PBX1: variants seen among roughly 807,000 people sequenced by gnomAD.
The protein encoded by PBX1 is PBX homeobox 1.
In PBX1, 6 loss-of-function variants were observed where a neutral mutation model predicts 53.4. The observed-to-expected ratio is 0.11, with a 90% confidence interval of 0.06 to 0.22. The LOEUF is 0.22. PBX1 is among the 10% of genes least tolerant of loss of function. The pLI is 1.00. For missense variants in PBX1, 251 were observed against 551.4 expected, an observed-to-expected ratio of 0.46 and a Z score of 5.46; for synonymous variants, 204 against 212.3, an observed-to-expected ratio of 0.96 and a Z score of 0.34.
chr1:164,671,376 T>C (rs193035084), intron 2 of PBX1, among the ~76,000 whole-genome samples: 1 of 152,166 alleles, frequency 6.6e-6, no homozygotes, highest in Admixed American at 6.5e-5. Flanking sequence ...TGATTAGCCG[T>C]GTGAGGTGGA....
chr1:164,869,305 C>T (rs1280456362), intron 2 of PBX1, among the ~76,000 whole-genome samples: 1 of 152,162 alleles, frequency 6.6e-6, no homozygotes, highest in Non-Finnish European at 1.5e-5. Flanking sequence ...CCAGGAGATC[C>T]ATCTGCCTGT....
At chr1:164,622,820 A>ATTTTT (rs1657771094) in intron 2 of PBX1, among the ~76,000 whole-genome samples, 1 of 121,054 alleles carries the variant, frequency 8.3e-6, no homozygotes, top group African/African-American at 3.1e-5. Context: ...CACAGTTTCC[A>ATTTTT]TCTTTTTTTT....
chr1:164,692,372 T>C (rs2102026398), intron 2 of PBX1, among the ~76,000 whole-genome samples: 1 of 152,136 alleles, frequency 6.6e-6, no homozygotes, highest in East Asian at 1.9e-4. Context: ...ATAGCAGGCT[T>C]TTAACAAACA....
intron 2 of PBX1, chr1:164,787,527 C>T (rs1668264498): frequency 6.6e-6 from 1 of 152,230 alleles, no homozygotes; most frequent in African/African-American, 2.4e-5. Context: ...CTGCTCCGGA[C>T]CCACGTCACT....
Position 164,812,165 on chromosome 1 carries a change from G to C in PBX1, c.997+16G>C. 1 of 1,601,700 alleles carries C rather than the reference G, an allele frequency of 6.2e-7. No homozygotes were observed. The highest frequency in any genetic ancestry group is 8.5e-7 in the Non-Finnish European group (1 of 1,173,026). ...AACTCGGCTGGTTAGTTTTTTCTTT[G>C]ATTGGGGGTGGGGGAAGGAATTGTT... On this transcript the variant is annotated intron_variant, in intron 6 of 8. Coordinates refer to ENST00000420696, the MANE Select transcript of PBX1 (RefSeq NM_002585.4).
chr1:164,829,424 G>A (rs1001829531), intron 8 of PBX1: 15 of 152,210 alleles, frequency 9.9e-5, no homozygotes, highest in Non-Finnish European at 1.8e-4. Context: ...TGATGGAAAT[G>A]TTCTATTTTA....
intron 2 of PBX1, among the ~76,000 whole-genome samples, chr1:164,750,880 T>G (rs1393006347): frequency 6.6e-6 from 1 of 152,116 alleles, no homozygotes; most frequent in Non-Finnish European, 1.5e-5. Flanking sequence ...AAAAGAGAAA[T>G]TTAGCTACTT....
intron 5 of PBX1, among the ~76,000 whole-genome samples, chr1:164,811,243 G>A (rs1425986568): frequency 6.6e-6 from 1 of 152,094 alleles, no homozygotes; most frequent in African/African-American, 2.4e-5. Flanking sequence ...GGTATGAAGG[G>A]AGCAGAGGTA....
chr1:164,834,988 T>G (rs1670962887), intron 8 of PBX1, among the ~76,000 whole-genome samples: 1 of 152,230 alleles, frequency 6.6e-6, no homozygotes, highest in Non-Finnish European at 1.5e-5. Flanking sequence ...AGAAGAAAAT[T>G]TACTGTTAAC....
At chr1:164,669,868 G>A (rs112098307) in intron 2 of PBX1, among the ~76,000 whole-genome samples, 3 of 152,160 alleles carry the variant, frequency 2.0e-5, no homozygotes, top group East Asian at 1.9e-4. Flanking sequence ...TTCTTGTTTT[G>A]TGTATTTAGG....
chr1:164,864,451 TTTTA>T (rs1318341259), intron 2 of PBX1, among the ~76,000 whole-genome samples: 6 of 152,196 alleles, frequency 3.9e-5, no homozygotes, highest in African/African-American at 7.2e-5. Context: ...CTGCTGGGCT[TTTTA>T]TTTATTTATT....
At chr1:164,879,892 A>C (rs1232858617) in intron 2 of PBX1, among the ~76,000 whole-genome samples, 1 of 152,124 alleles carries the variant, frequency 6.6e-6, no homozygotes, top group Non-Finnish European at 1.5e-5. Flanking sequence ...AAAAAAACAC[A>C]AAAGCCTACG....
chr1:164,722,200 C>G (rs185287145), intron 2 of PBX1, among the ~76,000 whole-genome samples: 1 of 152,246 alleles, frequency 6.6e-6, no homozygotes, highest in East Asian at 1.9e-4. Context: ...TCATTGAAGC[C>G]TTAATCTCTT....
intron 2 of PBX1, among the ~76,000 whole-genome samples, chr1:164,653,472 G>A (rs1162386341): frequency 6.6e-6 from 1 of 152,040 alleles, no homozygotes; most frequent in Middle Eastern, 3.2e-3. Context: ...GTGGTGCTGG[G>A]CAAGAGGGAT....
chr1:164,559,270 T>G lies in PBX1; in HGVS notation c.-553T>G, dbSNP rs1307059016. 1 of 168,514 alleles carries G rather than the reference T, an allele frequency of 5.9e-6. No individual in the cohort carries two copies. Among genetic ancestry groups the G allele is most frequent in the Non-Finnish European group, 1.2e-5 (1 of 84,790 alleles). The allele number at this position is 168,514 out of a possible 1,614,324, so 10.4% of individuals were successfully genotyped here. On this transcript the variant is annotated 5_prime_UTR_variant, in exon 1 of 9. Coordinates refer to ENST00000420696, the MANE Select transcript of PBX1 (RefSeq NM_002585.4). ...CCTGTGCTTTGCCTGCCGCCGCGGCTGGGGGAGATCTGGCTTTTGCAACAG... is the reference window on the plus strand; with the variant it reads ...CCTGTGCTTTGCCTGCCGCCGCGGCGGGGGGAGATCTGGCTTTTGCAACAG...
chr1:164,582,875 G>A (rs1654713602), intron 2 of PBX1, among the ~76,000 whole-genome samples: 4 of 152,162 alleles, frequency 2.6e-5, no homozygotes, highest in African/African-American at 9.7e-5. Context: ...GGTTTACTAT[G>A]TAATTCTCTT....
intron 2 of PBX1, chr1:164,639,752 T>C (rs377126449): frequency 5.3e-5 from 8 of 152,308 alleles, no homozygotes; most frequent in African/African-American, 1.9e-4. Context: ...AGCCTTGACT[T>C]CCTGGGCTTA....
intron 2 of PBX1, among the ~76,000 whole-genome samples, chr1:164,569,603 A>C: frequency 9.1e-6 from 1 of 110,038 alleles, no homozygotes. Flanking sequence ...CAAGAGTCTC[A>C]CTCTATCTCC....
intron 2 of PBX1, among the ~76,000 whole-genome samples, chr1:164,693,559 C>T (rs930680248): frequency 3.9e-5 from 6 of 152,164 alleles, no homozygotes; most frequent in African/African-American, 1.4e-4. Context: ...ACCTGACACT[C>T]CCCACCATTT....
Sources: allele counts gnomAD v4.1 joint callset (sites outside exome capture counted in the v4.1 genomes callset), GRCh38; gene constraint gnomAD v4.1.1; transcripts MANE v1.5; gene names NCBI Gene and HGNC (gene_info 2026-07-23, HGNC 2026-07-21).